CAMK1D: variants seen among roughly 807,000 people sequenced by gnomAD.
CAMK1D encodes calcium/calmodulin dependent protein kinase ID.
In CAMK1D, 9 loss-of-function variants were observed where a neutral mutation model predicts 47.7. The observed-to-expected ratio is 0.19, with a 90% CI of 0.11 to 0.33. The LOEUF is 0.33. Ranked by LOEUF, CAMK1D falls within the 10% of genes least tolerant of loss-of-function variation. The pLI, the probability that CAMK1D is intolerant of heterozygous loss-of-function variation, is 1.00. For missense variants in CAMK1D, 291 were observed against 488.7 expected (o/e 0.60, Z 3.81); for synonymous variants, 184 against 184.9 (o/e 0.99, Z 0.04).
intron 3 of CAMK1D, among the ~76,000 whole-genome samples, chr10:12,695,158 A>T (rs559198361): frequency 3.9e-5 from 6 of 152,262 alleles, no homozygotes; most frequent in African/African-American, 1.4e-4. Context: ...ATAGGAGCTT[A>T]TATTGTAGTA....
chr10:12,379,989 C>A (rs1033438448), intron 1 of CAMK1D, among the ~76,000 whole-genome samples: 2 of 151,698 alleles, frequency 1.3e-5, no homozygotes, highest in Non-Finnish European at 2.9e-5. Flanking sequence ...CCGAGGCGGG[C>A]GGATCATGAG....
intron 1 of CAMK1D, among the ~76,000 whole-genome samples, chr10:12,462,642 A>C (rs1833470489): frequency 6.6e-6 from 1 of 152,182 alleles, no homozygotes; most frequent in Non-Finnish European, 1.5e-5. Flanking sequence ...GAGAAGGGTC[A>C]GAGTTCAGAT....
intron 3 of CAMK1D, among the ~76,000 whole-genome samples, chr10:12,708,730 A>G (rs1323329922): frequency 6.6e-6 from 1 of 152,092 alleles, no homozygotes; most frequent in Non-Finnish European, 1.5e-5. Context: ...TCTTCTATTC[A>G]TTTTGAGGTT....
In CAMK1D at chr10:12,493,305, G is replaced by A. The variant is rs78576780; in HGVS notation, c.93-59920G>A. On this transcript the variant is annotated intron_variant, in intron 1 of 10. Coordinates refer to ENST00000619168, the MANE Select transcript of CAMK1D (RefSeq NM_153498.4). ...GGATTACCTTTGGGGTGCTCACAGG[G>A]CTCCTGGGGAGATGTGGCCAGCATC... 5.5e-3 allele frequency among the ~76,000 whole-genome samples: 835 copies of A among 152,276 alleles called. 7 individuals are homozygous for A. Among genetic ancestry groups the A allele is most frequent in the African/African-American group, 0.019 (807 of 41,542 alleles).
At chr10:12,569,328 T>A (rs567006779) in intron 2 of CAMK1D, among the ~76,000 whole-genome samples, 1 of 152,254 alleles carries the variant, frequency 6.6e-6, no homozygotes, top group Non-Finnish European at 1.5e-5. Context: ...TGGCATCTTG[T>A]ACATTGATTA....
At chr10:12,517,060 A>G (rs995290160) in intron 1 of CAMK1D, among the ~76,000 whole-genome samples, 1 of 152,208 alleles carries the variant, frequency 6.6e-6, no homozygotes, top group Non-Finnish European at 1.5e-5. Flanking sequence ...TCTTTAATCA[A>G]TGTTTTATAG....
intron 5 of CAMK1D, among the ~76,000 whole-genome samples, chr10:12,773,709 A>G (rs773240135): frequency 1.3e-5 from 2 of 152,158 alleles, no homozygotes; most frequent in African/African-American, 4.8e-5. Context: ...CCTGGCCAAT[A>G]TGGTGAAACC....
intron 3 of CAMK1D, among the ~76,000 whole-genome samples, chr10:12,749,756 AT>A (rs1435228583): frequency 2.6e-5 from 4 of 151,966 alleles, no homozygotes; most frequent in African/African-American, 9.7e-5. Context: ...CACCTGGCTA[AT>A]TTTTGTATTT....
At chr10:12,449,212 C>G (rs1303958665) in intron 1 of CAMK1D, among the ~76,000 whole-genome samples, 1 of 152,092 alleles carries the variant, frequency 6.6e-6, no homozygotes, top group Non-Finnish European at 1.5e-5. Context: ...GCAAGTTACT[C>G]TCATTGAAGT....
At chr10:12,491,438 T>C (rs1038993952) in intron 1 of CAMK1D, among the ~76,000 whole-genome samples, 21 of 152,156 alleles carry the variant, frequency 1.4e-4, no homozygotes, top group African/African-American at 5.1e-4. Context: ...TCAAAAAATA[T>C]TTTTGGAGGT....
At chr10:12,409,420 G>T (rs977402062) in intron 1 of CAMK1D, among the ~76,000 whole-genome samples, 5 of 152,194 alleles carry the variant, frequency 3.3e-5, no homozygotes, top group African/African-American at 1.2e-4. Context: ...TAGACAGGGT[G>T]GTCAGGAAGC....
chr10:12,409,369 G>T (rs1839573007), intron 1 of CAMK1D, among the ~76,000 whole-genome samples: 1 of 152,236 alleles, frequency 6.6e-6, no homozygotes, highest in African/African-American at 2.4e-5. Flanking sequence ...TGTGATAACG[G>T]CTGTGATAGA....
At chr10:12,439,886 A>G (rs56365153) in intron 1 of CAMK1D, among the ~76,000 whole-genome samples, 10,624 of 152,274 alleles carry the variant, frequency 0.07, 413 homozygotes, top group Non-Finnish European at 0.085. Flanking sequence ...CAAAAGGCAC[A>G]TCTTACATGG....
At chr10:12,747,356 A>C (rs997539462) in intron 3 of CAMK1D, among the ~76,000 whole-genome samples, 8 of 152,094 alleles carry the variant, frequency 5.3e-5, no homozygotes, top group African/African-American at 1.9e-4. Context: ...CTCAGGCTGG[A>C]GTGGAGTGCT....
chr10:12,424,899 C>A (rs1223842414), intron 1 of CAMK1D, among the ~76,000 whole-genome samples: 1 of 152,192 alleles, frequency 6.6e-6, no homozygotes, highest in East Asian at 1.9e-4. Flanking sequence ...GAGGGTCCGA[C>A]CATACGACAT....
At chr10:12,518,457 ATG>A (rs1835275974) in intron 1 of CAMK1D, among the ~76,000 whole-genome samples, 1 of 151,734 alleles carries the variant, frequency 6.6e-6, no homozygotes, top group Non-Finnish European at 1.5e-5. Context: ...CTGTAGTGAT[ATG>A]TCTTTATTCA....
intron 6 of CAMK1D, among the ~76,000 whole-genome samples, chr10:12,810,715 G>T (rs936372132): frequency 6.6e-6 from 1 of 152,214 alleles, no homozygotes; most frequent in Non-Finnish European, 1.5e-5. Flanking sequence ...AAGTCAGATT[G>T]ACTTCAACGC....
intron 2 of CAMK1D, among the ~76,000 whole-genome samples, chr10:12,629,674 A>AT (rs1324463326): frequency 2.6e-5 from 4 of 152,232 alleles, no homozygotes; most frequent in African/African-American, 9.6e-5. Flanking sequence ...CCAAACTGTA[A>AT]TTCTCACAAT....
chr10:12,806,077 G>A (rs1036566010), intron 6 of CAMK1D, among the ~76,000 whole-genome samples: 8 of 152,204 alleles, frequency 5.3e-5, no homozygotes, highest in African/African-American at 1.4e-4. Context: ...AGCAGGTCAC[G>A]TCTGTGCACA....
Sources: allele counts gnomAD v4.1 joint callset (sites outside exome capture counted in the v4.1 genomes callset), GRCh38; gene constraint gnomAD v4.1.1; transcripts MANE v1.5; gene names NCBI Gene and HGNC (gene_info 2026-07-23, HGNC 2026-07-21).